Variants in LRP6 observed in about 807,000 individuals in gnomAD.
LRP6 encodes the protein LDL receptor related protein 6.
LRP6 carries 43 observed loss-of-function variants against 184.1 expected under a neutral mutation model. That is an observed-to-expected ratio of 0.23 (90% CI 0.18 to 0.30). The LOEUF is 0.30. Ranked by LOEUF, LRP6 falls within the 10% of genes least tolerant of loss-of-function variation. The pLI, the probability that LRP6 is intolerant of heterozygous loss-of-function variation, is 1.00. For missense variants in LRP6, 1,571 were observed against 2,005.3 expected (o/e 0.78, Z 4.14); for synonymous variants, 719 against 684.9 (o/e 1.05, Z -0.78).
chr12:12,125,231 T>C, intron 21 of LRP6, 65 bp downstream of exon 21: 1 of 1,589,086 alleles, frequency 6.3e-7, no homozygotes, highest in Non-Finnish European at 8.6e-7. Context: ...ATCACCCACA[T>C]TTAAATGAGT....
rs1253077611 is a variant in LRP6, at chr12:12,190,728, C to CT, written c.648-3610dup. ...CCACTTGTGTGAGTAATAAATCTTT[C>CT]TTTAATCATACCACAGGACTGCTGT... On this transcript the variant is annotated intron_variant, in intron 3 of 22. Transcript: ENST00000261349. Among the ~76,000 whole-genome samples, 34 of 152,214 alleles carry CT rather than the reference C, an allele frequency of 2.2e-4. 1 individual carries two copies. The highest frequency in any genetic ancestry group is 2.2e-3 in the Admixed American group (34 of 15,286).
chr12:12,152,468 G>T (rs1287837860), intron 12 of LRP6, among the ~76,000 whole-genome samples: 1 of 151,788 alleles, frequency 6.6e-6, no homozygotes, highest in Non-Finnish European at 1.5e-5. Flanking sequence ...TTTAATTTTA[G>T]TAGAGACAGG....
Position 12,266,770 on chromosome 12 carries a change from G to A in LRP6, c.-35C>T, listed in dbSNP as rs748883472. ...TCGCGTTCTCTTCTCTCACCGGCGAGGGGTGGCCAGAAGTGGGGGAGGCGA... is the reference window on the plus strand; with the variant it reads ...TCGCGTTCTCTTCTCTCACCGGCGAAGGGTGGCCAGAAGTGGGGGAGGCGA... On this transcript the variant is annotated 5_prime_UTR_variant, in exon 1 of 23. Transcript: ENST00000261349. The A allele has an allele frequency of 6.9e-6, 11 of 1,590,766 alleles. No homozygotes were observed. In the Admixed American group the frequency reaches 1.9e-4, roughly 27 times the overall value.
At chr12:12,230,441 A>G (rs577754978) in intron 2 of LRP6, among the ~76,000 whole-genome samples, 1 of 152,154 alleles carries the variant, frequency 6.6e-6, no homozygotes, top group Non-Finnish European at 1.5e-5. Context: ...AAGGGATGAA[A>G]TTTCACCCTT....
In LRP6 at chr12:12,181,085, T is replaced by C; in HGVS notation, c.1331A>G (p.Asp444Gly). ...GTMRKILISE[D>G]LEEPRAIVLD... ...CACAATAGCCCGGGGTTCCTCTAAG[T>C]CCTCTGAAATCAAGATCTTCCTCAT... Residue 444 changes from aspartate (D) to glycine (G), a missense_variant, in exon 6 of 23, where the codon GAC becomes GGC. Around this residue, in one of 4 missense-constraint regions of LRP6, gnomAD observed 640 missense variants for 851.9 expected, o/e 0.75. Transcript: ENST00000261349. 1 of 1,614,076 alleles carries C rather than the reference T, an allele frequency of 6.2e-7. No homozygotes were observed. The highest frequency in any genetic ancestry group is 8.5e-7 in the Non-Finnish European group (1 of 1,179,980).
chr12:12,164,897 C>A (rs1233566472), intron 8 of LRP6, among the ~76,000 whole-genome samples, 182 bp downstream of exon 8: 1 of 95,772 alleles, frequency 1.0e-5, no homozygotes, highest in Non-Finnish European at 2.0e-5. Context: ...AGTAAGTCAA[C>A]GTTTAAAAGG....
chr12:12,263,043 C>T (rs1262201997), intron 1 of LRP6, among the ~76,000 whole-genome samples: 3 of 143,138 alleles, frequency 2.1e-5, no homozygotes, highest in African/African-American at 7.8e-5. Context: ...CACCTGAGGT[C>T]GGGAGTTCGA....
chr12:12,123,389 C>G (rs939444101), intron 22 of LRP6, among the ~76,000 whole-genome samples: 11 of 152,190 alleles, frequency 7.2e-5, no homozygotes, highest in Admixed American at 3.3e-4. Flanking sequence ...ACAGCCAAGG[C>G]TATTTCAGTC....
At chr12:12,129,420 C>A (rs779035498) in intron 19 of LRP6, among the ~76,000 whole-genome samples, 1 of 152,194 alleles carries the variant, frequency 6.6e-6, no homozygotes, top group Non-Finnish European at 1.5e-5. Flanking sequence ...TTTTGGCAGT[C>A]CCATTACATG....
At chr12:12,151,953 G>A (rs1028272056) in intron 12 of LRP6, among the ~76,000 whole-genome samples, 11 of 152,066 alleles carry the variant, frequency 7.2e-5, no homozygotes, top group Admixed American at 3.9e-4. Flanking sequence ...ATGTGAGGAC[G>A]GCATGGAAAG....
Position 12,121,178 on chromosome 12 carries a change from T to G in LRP6, c.4790A>C (p.Tyr1597Ser). 1 of 1,613,930 alleles carries G rather than the reference T, an allele frequency of 6.2e-7. No individual in the cohort carries two copies. The highest frequency in any genetic ancestry group is 8.5e-7 in the Non-Finnish European group (1 of 1,179,958). Reference sequence around the variant, plus strand: ...TGGCGGTGGGTAGAGGTGATGAGAATAGCTCCTCTCTGTGTATGGAGAAGG... The same window carrying G: ...TGGCGGTGGGTAGAGGTGATGAGAAGAGCTCCTCTCTGTGTATGGAGAAGG... ...CPPSPYTERS[Y>S]SHHLYPPPPS... Residue 1597 changes from tyrosine to serine, a missense_variant, in exon 23 of 23, where the codon TAT becomes TCT. Physicochemically the swap from Tyr to Ser is moderately radical, Grantham distance 144. Transcript: ENST00000261349.
chr12:12,180,101 G>GAA, intron 6 of LRP6, 120 bp from the exon 7 acceptor site: 3 of 738,532 alleles, frequency 4.1e-6, no homozygotes, highest in Admixed American at 2.6e-5. Flanking sequence ...CCAAGGAAGG[G>GAA]GAAAAAAAAA....
At chr12:12,249,855 A>G (rs1313206908) in intron 1 of LRP6, among the ~76,000 whole-genome samples, 1 of 152,136 alleles carries the variant, frequency 6.6e-6, no homozygotes, top group South Asian at 2.1e-4. Context: ...GTTAAATTAA[A>G]TTCATCACCT....
At chr12:12,232,755 G>GA (rs779209313) in intron 2 of LRP6, among the ~76,000 whole-genome samples, 2 of 152,032 alleles carry the variant, frequency 1.3e-5, no homozygotes, top group Admixed American at 6.5e-5. Flanking sequence ...GAAAATACAA[G>GA]AAGCAATCCT....
Position 12,206,423 on chromosome 12 carries a change from G to C in LRP6, c.450-3023C>G, listed in dbSNP as rs143026118. On this transcript the variant is annotated intron_variant, in intron 2 of 22. Coordinates refer to ENST00000261349, the MANE Select transcript of LRP6 (RefSeq NM_002336.3). ...CCAGGCGTGGTGGCAGATGCCTATA[G>C]TCCCAGCTACTCGGGAGGCTGAGGC... Among the ~76,000 whole-genome samples, 827 of 151,928 alleles carry C rather than the reference G, an allele frequency of 5.4e-3. 1 individual carries two copies. The highest frequency in any genetic ancestry group is 0.019 in the African/African-American group (784 of 41,424).
chr12:12,242,357 AATAACCATTTAACAG>A (rs1240583164), intron 2 of LRP6, among the ~76,000 whole-genome samples: 2 of 152,198 alleles, frequency 1.3e-5, no homozygotes, highest in African/African-American at 4.8e-5. Context: ...CTCTGAACAT[AATAACCATTTAACAG>A]ATATTTCATT....
chr12:12,181,984 G>A (rs1863356144), intron 5 of LRP6, among the ~76,000 whole-genome samples: 1 of 152,186 alleles, frequency 6.6e-6, no homozygotes, highest in Non-Finnish European at 1.5e-5. Context: ...CAGTAAAACT[G>A]TCTTAACAAA....
At chr12:12,225,131 G>C (rs1819871) in intron 2 of LRP6, among the ~76,000 whole-genome samples, 61,332 of 152,044 alleles carry the variant, frequency 0.4, 15,041 homozygotes, top group East Asian at 0.76. Flanking sequence ...CTTGAACCCA[G>C]TGGGTGGAGG....
intron 1 of LRP6, among the ~76,000 whole-genome samples, chr12:12,246,203 G>C (rs1387791784): frequency 6.6e-6 from 1 of 151,424 alleles, no homozygotes; most frequent in African/African-American, 2.4e-5. Flanking sequence ...GTGGGGTTTC[G>C]CCATGTTGAC....
Sources: gnomAD v4.1 joint callset for allele counts (sites outside exome capture counted in the v4.1 genomes callset) on GRCh38, gnomAD v4.1.1 for gene constraint, gnomAD v4.1.1 regional missense constraint, MANE v1.5 for transcripts, NCBI Gene and HGNC (gene_info 2026-07-23, HGNC 2026-07-21) for gene names.